N4BP3: variants seen among roughly 807,000 people sequenced by gnomAD.
N4BP3 encodes NEDD4-binding protein 3.
N4BP3 carries 33 observed loss-of-function variants against 43.8 expected under a neutral mutation model. The ratio of observed to expected loss-of-function variants is 0.75; its 90% CI spans 0.57 to 1.01. The LOEUF is 1.01. N4BP3 is among the 50% of genes least tolerant of loss of function. The pLI, the probability that N4BP3 is intolerant of heterozygous loss-of-function variation, is 0.00. For synonymous variants in N4BP3, 326 were observed against 321.9 expected (o/e 1.01, Z -0.14); for missense variants, 756 against 744.2 (o/e 1.02, Z -0.18).
chr5:178,117,785 G>A (rs1481670875), intron 1 of N4BP3, among the ~76,000 whole-genome samples: 1 of 151,944 alleles, frequency 6.6e-6, no homozygotes, highest in Non-Finnish European at 1.5e-5. Flanking sequence ...GCTGGGTGGG[G>A]TGTGCAAACC....
At chr5:178,126,861 C>T (rs1007091230), downstream of N4BP3, among the ~76,000 whole-genome samples, 10 of 152,154 alleles carry the variant, frequency 6.6e-5, no homozygotes, top group African/African-American at 2.4e-4. Context: ...CCATGCATTT[C>T]CTCCCCTCAA....
chr5:178,117,117 C>T (rs1044569987), intron 1 of N4BP3, among the ~76,000 whole-genome samples: 1 of 152,142 alleles, frequency 6.6e-6, no homozygotes, highest in Non-Finnish European at 1.5e-5. Flanking sequence ...CTGGCCCTTT[C>T]CCGCTTCAGA....
chr5:178,114,143 C>G (rs1200664080), intron 1 of N4BP3, among the ~76,000 whole-genome samples: 4 of 152,212 alleles, frequency 2.6e-5, no homozygotes, highest in Middle Eastern at 3.2e-3. Flanking sequence ...GCCTCCGCCC[C>G]CCGGCCCAGC....
intron 1 of N4BP3, among the ~76,000 whole-genome samples, chr5:178,116,951 C>T (rs1391732992): frequency 6.6e-6 from 1 of 152,118 alleles, no homozygotes; most frequent in African/African-American, 2.4e-5. Context: ...GCCGGGCAGG[C>T]GGGGTCTTTC....
In N4BP3 at chr5:178,120,383, A is replaced by C; in HGVS notation, c.536A>C (p.Glu179Ala). Residue 179 changes from glutamate to alanine, a missense_variant, in exon 3 of 5, where the codon GAG (glutamate) becomes GCG (alanine). Transcript: ENST00000274605. Reference sequence around the variant, plus strand: ...CTGCTGCACGCCCTCAGCCTAGATGAGGGCGGCCCTGAGCCCGAGCCCAGC... The same window carrying C: ...CTGCTGCACGCCCTCAGCCTAGATGCGGGCGGCCCTGAGCCCGAGCCCAGC... Reference protein sequence around the residue: ...AQLLHALSLDEGGPEPEPSLS... With the variant: ...AQLLHALSLDAGGPEPEPSLS... 6.2e-7 allele frequency: 1 copy of C among 1,612,466 alleles called. No individual in the cohort carries two copies. The highest frequency in any genetic ancestry group is 8.5e-7 in the Non-Finnish European group (1 of 1,179,714).
chr5:178,120,076 G>A (rs1364459973), intron 2 of N4BP3, 102 bp from the exon 3 acceptor site: 17 of 1,495,656 alleles, frequency 1.1e-5, no homozygotes, highest in Non-Finnish European at 1.5e-5. Context: ...CGTGCCCCGC[G>A]GTCTCAAAGA....
chr5:178,123,102 C>G lies in N4BP3; in HGVS notation c.*1101C>G, dbSNP rs922341752. The G allele has an allele frequency of 2.6e-5, 4 of 152,336 alleles. No individual in the cohort carries two copies. Among genetic ancestry groups the G allele is most frequent in the African/African-American group, 9.6e-5 (4 of 41,462 alleles). The allele number at this position is 152,336 out of a possible 1,614,324, so 9.4% of individuals were successfully genotyped here. The stretch of plus-strand genomic sequence containing the variant: ...CGGTCAGTCCTCCCGGATCCCTGCT[C>G]TCAGCTAAGGCTGGTCCCTAAAACC... On this transcript the variant is annotated 3_prime_UTR_variant, in exon 5 of 5. Coordinates refer to ENST00000274605, the MANE Select transcript of N4BP3 (RefSeq NM_015111.2).
chr5:178,124,726 G>C lies in N4BP3; in HGVS notation c.*2725G>C, dbSNP rs558041016. Reference sequence around the variant, plus strand: ...AGGCTTCTGACACACTAGTGGCCTCGAGTCACTGATAGTGGTGCCTCCTCC... The same window carrying C: ...AGGCTTCTGACACACTAGTGGCCTCCAGTCACTGATAGTGGTGCCTCCTCC... On this transcript the variant is annotated 3_prime_UTR_variant, in exon 5 of 5. Transcript: ENST00000274605. The C allele has an allele frequency of 2.0e-5, 3 of 152,620 alleles. No individual in the cohort carries two copies. The highest frequency in any genetic ancestry group is 2.9e-5 in the Non-Finnish European group (2 of 68,432). The allele number at this position is 152,620 out of a possible 1,614,324, so 9.5% of individuals were successfully genotyped here.
rs758517406 is a variant in N4BP3, at chr5:178,121,276, C to T, written c.1031C>T (p.Ala344Val). 4.4e-6 allele frequency: 7 copies of T among 1,605,938 alleles called. No individual in the cohort carries two copies. The highest frequency in any genetic ancestry group is 1.7e-4 in the Middle Eastern group (1 of 6,004). ...RKELRAQQGL[A>V]PEPRAPGTLP... is the part of the protein sequence containing the mutation. ...GAGCTGCGGGCTCAGCAGGGCCTGG[C>T]TCCGGAGCCTCGGGCCCCCGGCACC... is the stretch of plus-strand genomic sequence containing the variant. Residue 344 changes from alanine to valine, a missense_variant, in exon 4 of 5, where the codon GCT becomes GTT. Transcript: ENST00000274605.
At position 178,119,685 on chromosome 5, in the gene N4BP3, C is replaced by A; in HGVS notation, c.102C>A (p.Ala34=). The change falls in exon 2 of 5, where the codon GCC becomes GCA. Residue 34 remains alanine (A), a synonymous_variant. Coordinates refer to ENST00000274605, the MANE Select transcript of N4BP3 (RefSeq NM_015111.2). ...FSPEELRAAL[A]GSRGSRQPDG... ...CTGAAGAGCTGCGGGCGGCACTTGCCGGGTCTCGGGGCTCCCGCCAGCCTG... is the reference window on the plus strand; with the variant it reads ...CTGAAGAGCTGCGGGCGGCACTTGCAGGGTCTCGGGGCTCCCGCCAGCCTG... 6.2e-7 allele frequency: 1 copy of A among 1,611,334 alleles called. No homozygotes were observed. The highest frequency in any genetic ancestry group is 1.7e-5 in the Admixed American group (1 of 59,770).
intron 3 of N4BP3, among the ~76,000 whole-genome samples, 155 bp from the exon 4 acceptor site, chr5:178,120,943 C>T (rs1757905007): frequency 6.6e-6 from 1 of 152,192 alleles, no homozygotes; most frequent in Non-Finnish European, 1.5e-5. Context: ...ATGGGGACAC[C>T]TCACCCTGGA....
At position 178,122,958 on chromosome 5, in the gene N4BP3, G is replaced by A. The variant is rs1757968482; in HGVS notation, c.*957G>A. The A allele has an allele frequency of 6.6e-6, 1 of 152,232 alleles. No homozygotes were observed. 9.4% of individuals were successfully genotyped at this position (152,232 alleles called of 1,614,324 possible). A position where few individuals can be genotyped will look rare whatever the true frequency, so the allele number is the denominator to read the frequency against. Reference sequence around the variant, plus strand: ...ATGGGAACATTTCCCCATCAGCAACGGGGCTCTAGGGCATTATTAAGTAGG... The same window carrying A: ...ATGGGAACATTTCCCCATCAGCAACAGGGCTCTAGGGCATTATTAAGTAGG... On this transcript the variant is annotated 3_prime_UTR_variant, in exon 5 of 5. Coordinates refer to ENST00000274605, the MANE Select transcript of N4BP3 (RefSeq NM_015111.2).
intron 1 of N4BP3, among the ~76,000 whole-genome samples, chr5:178,116,666 G>A (rs1231306073): frequency 3.9e-5 from 6 of 152,220 alleles, no homozygotes; most frequent in Admixed American, 1.3e-4. Context: ...ACACCGTGGC[G>A]TGTGTGGTTG....
chr5:178,121,653 G>A lies in N4BP3; in HGVS notation c.1287G>A (p.Leu429=), dbSNP rs747514324. ...GGCTGCGCGAGGCTGTGCGCAGCCT[G>A]CAGGAGCAGGCCCCTCGGGAGGAAG... The part of the protein sequence containing the change: ...LVRLREAVRS[L]QEQAPREEAP... The change falls in exon 5 of 5, where the codon CTG becomes CTA. Residue 429 remains leucine (L), a synonymous_variant. Transcript: ENST00000274605. The A allele has an allele frequency of 1.2e-6, 2 of 1,612,242 alleles. No homozygotes were observed.
intron 1 of N4BP3, among the ~76,000 whole-genome samples, chr5:178,119,168 T>C (rs914367024): frequency 6.6e-6 from 1 of 152,198 alleles, no homozygotes; most frequent in Non-Finnish European, 1.5e-5. Context: ...CCGGCCAAGT[T>C]TGTCTTCCTT....
intron 3 of N4BP3, 26 bp downstream of exon 3, chr5:178,120,725 C>G: frequency 6.5e-7 from 1 of 1,546,704 alleles, no homozygotes; most frequent in Non-Finnish European, 8.7e-7. Flanking sequence ...CCCTGGAGTC[C>G]TGTTCTGTGC....
At position 178,118,634 on chromosome 5, in the gene N4BP3, C is replaced by T. The variant is rs893077818; in HGVS notation, c.-30-920C>T. On this transcript the variant is annotated intron_variant, in intron 1 of 4. Transcript: ENST00000274605. The surrounding 1 kb of genome is among the most constrained non-coding windows in gnomAD (Gnocchi z 5.4). ...TCACGTCATCCTTCCTCCTTTTGGG[C>T]CCTTCCTGTTTGTATCCCTCCCACT... Among the ~76,000 whole-genome samples, 2 of 152,184 alleles carry T rather than the reference C, an allele frequency of 1.3e-5. No homozygotes were observed. Among genetic ancestry groups the T allele is most frequent in the African/African-American group, 4.8e-5 (2 of 41,448 alleles).
intron 1 of N4BP3, among the ~76,000 whole-genome samples, chr5:178,116,023 C>T (rs995921230): frequency 2.6e-5 from 4 of 152,150 alleles, no homozygotes; most frequent in African/African-American, 7.2e-5. Flanking sequence ...GGGGGTTTGC[C>T]GCTCCCAGCT....
In N4BP3 at chr5:178,119,932, C is replaced by G; in HGVS notation, c.330+19C>G. On this transcript the variant is annotated intron_variant, in intron 2 of 4. Coordinates refer to ENST00000274605, the MANE Select transcript of N4BP3 (RefSeq NM_015111.2). Reference sequence around the variant, plus strand: ...TGACAAGGTGCACCTTTGCCCATGCCCCTTACAAGGTGTGGGGAGGGTGGG... The same window carrying G: ...TGACAAGGTGCACCTTTGCCCATGCGCCTTACAAGGTGTGGGGAGGGTGGG... The G allele has an allele frequency of 1.3e-6, 2 of 1,581,930 alleles. No homozygotes were observed. Among genetic ancestry groups the G allele is most frequent in the Non-Finnish European group, 1.7e-6 (2 of 1,167,130 alleles).
Sources: allele counts gnomAD v4.1 joint callset (sites outside exome capture counted in the v4.1 genomes callset), GRCh38; gene constraint gnomAD v4.1.1; non-coding constraint Gnocchi (gnomAD v3.1); transcripts MANE v1.5; gene names NCBI Gene and HGNC (gene_info 2026-07-23, HGNC 2026-07-21).